ANO4: variants seen among roughly 807,000 people sequenced by gnomAD.
The protein encoded by ANO4 is anoctamin-4.
In ANO4, 69 loss-of-function variants were observed where a neutral mutation model predicts 141.9. The observed-to-expected ratio is 0.49, with a 90% CI of 0.40 to 0.59. The LOEUF is 0.59. Ranked by LOEUF, ANO4 falls within the 20% of genes least tolerant of loss-of-function variation. ANO4 has a pLI of 0.00. For synonymous variants in ANO4, 350 were observed against 394.3 expected (o/e 0.89, Z 1.33); for missense variants, 894 against 1,162.2 (o/e 0.77, Z 3.36).
Position 101,068,293 on chromosome 12 carries a change from G to T in ANO4, c.1313-10900G>T. The T allele has an allele frequency of 3.5e-6, 5 of 1,413,766 alleles. No homozygotes were observed. In the South Asian group the frequency reaches 6.1e-5, roughly 17 times the overall value. 87.6% of individuals were successfully genotyped at this position (1,413,766 alleles called of 1,614,324 possible). On this transcript the variant is annotated intron_variant, in intron 14 of 27. Transcript: ENST00000392977. Reference sequence around the variant, plus strand: ...AGTTCCTGCCTCTGCTGCAGATTCCGCCTGCTCCTACGAAGGCTGACTTCA... The same window carrying T: ...AGTTCCTGCCTCTGCTGCAGATTCCTCCTGCTCCTACGAAGGCTGACTTCA...
At chr12:100,991,159 T>C (rs532533125) in intron 8 of ANO4, among the ~76,000 whole-genome samples, 2 of 152,298 alleles carry the variant, frequency 1.3e-5, no homozygotes, top group East Asian at 3.9e-4. Flanking sequence ...AGGATTTATT[T>C]CTCTTTGAAA....
At chr12:100,719,654 G>A (rs1379872398) in intron 1 of ANO4, among the ~76,000 whole-genome samples, 2 of 152,170 alleles carry the variant, frequency 1.3e-5, no homozygotes, top group Admixed American at 6.5e-5. Flanking sequence ...GCTGCCAAGA[G>A]AATGAACAGT....
At chr12:100,890,003 C>T (rs2135986206) in intron 1 of ANO4, among the ~76,000 whole-genome samples, 1 of 152,032 alleles carries the variant, frequency 6.6e-6, no homozygotes, top group East Asian at 1.9e-4. Flanking sequence ...TTAACTATTG[C>T]CCTATTAACA....
intron 3 of ANO4, 26 bp downstream of exon 3, chr12:100,922,356 C>T (rs971413663): frequency 2.0e-5 from 29 of 1,471,606 alleles, no homozygotes; most frequent in East Asian, 1.0e-4. Context: ...ATTTTAAATT[C>T]GCCGTGAGAG....
chr12:100,930,084 C>T (rs552383144), intron 3 of ANO4, among the ~76,000 whole-genome samples: 2 of 152,008 alleles, frequency 1.3e-5, no homozygotes, highest in East Asian at 1.9e-4. Context: ...GTTATTAATC[C>T]CTTCTCAGAT....
intron 2 of ANO4, among the ~76,000 whole-genome samples, chr12:100,910,038 C>T (rs926337603): frequency 4.6e-5 from 7 of 152,016 alleles, no homozygotes. Context: ...CTAAATATTG[C>T]ATACGACACA....
chr12:100,812,591 T>A (rs952509649), intron 1 of ANO4, among the ~76,000 whole-genome samples: 3 of 152,114 alleles, frequency 2.0e-5, no homozygotes, highest in Non-Finnish European at 4.4e-5. Flanking sequence ...TACAATTAAA[T>A]TGCATGTCAG....
intron 1 of ANO4, among the ~76,000 whole-genome samples, chr12:100,865,274 C>T (rs1054828589): frequency 5.9e-5 from 9 of 152,002 alleles, no homozygotes; most frequent in East Asian, 1.9e-4. Flanking sequence ...TATATTTCTC[C>T]GAAAAGCAAT....
chr12:100,791,002 A>G (rs529248708), upstream of ANO4, among the ~76,000 whole-genome samples: 1 of 152,336 alleles, frequency 6.6e-6, no homozygotes, highest in Non-Finnish European at 1.5e-5. Flanking sequence ...TTTAATGTGT[A>G]TGTCAGTCCC....
intron 1 of ANO4, among the ~76,000 whole-genome samples, chr12:100,848,087 A>G (rs2037667644): frequency 6.6e-6 from 1 of 152,240 alleles, no homozygotes; most frequent in African/African-American, 2.4e-5. Flanking sequence ...TCAAAGTAAG[A>G]AGAAATTTTT....
intron 3 of ANO4, among the ~76,000 whole-genome samples, chr12:100,766,120 A>T (rs1242628827): frequency 6.6e-6 from 1 of 152,072 alleles, no homozygotes; most frequent in Non-Finnish European, 1.5e-5. Context: ...ATCATGCAGT[A>T]TTTGCCTTTC....
intron 3 of ANO4, among the ~76,000 whole-genome samples, chr12:100,776,588 T>C (rs2135566572): frequency 6.6e-6 from 1 of 152,324 alleles, no homozygotes; most frequent in South Asian, 2.1e-4. Context: ...GAGTAACTTT[T>C]AATGTGAAGG....
At chr12:100,824,764 A>G (rs1198191821) in intron 1 of ANO4, among the ~76,000 whole-genome samples, 1 of 152,084 alleles carries the variant, frequency 6.6e-6, no homozygotes, top group Non-Finnish European at 1.5e-5. Context: ...ATGGCTTCAC[A>G]GACCGGAAAA....
chr12:100,938,906 G>A (rs968833626), intron 3 of ANO4, among the ~76,000 whole-genome samples: 1 of 152,176 alleles, frequency 6.6e-6, no homozygotes, highest in Non-Finnish European at 1.5e-5. Flanking sequence ...CACTTGGCAA[G>A]CTATACGACA....
intron 9 of ANO4, among the ~76,000 whole-genome samples, chr12:101,025,852 G>A (rs1310285577): frequency 6.6e-6 from 1 of 152,106 alleles, no homozygotes; most frequent in African/African-American, 2.4e-5. Flanking sequence ...ATGAACATGG[G>A]AAAAGCATTT....
chr12:100,773,216 G>GTTA (rs1416844248), intron 3 of ANO4, among the ~76,000 whole-genome samples: 2 of 152,288 alleles, frequency 1.3e-5, no homozygotes, highest in African/African-American at 4.8e-5. Flanking sequence ...GGGCCTCTTT[G>GTTA]ATAAAGGCAC....
At chr12:101,105,464 C>G (rs550290248) in intron 22 of ANO4, among the ~76,000 whole-genome samples, 2 of 152,300 alleles carry the variant, frequency 1.3e-5, no homozygotes, top group Middle Eastern at 6.8e-3. Flanking sequence ...CTATTCTTAG[C>G]TCACAGATGG....
At chr12:100,909,867 T>G (rs997022705) in intron 2 of ANO4, among the ~76,000 whole-genome samples, 1 of 152,164 alleles carries the variant, frequency 6.6e-6, no homozygotes, top group African/African-American at 2.4e-5. Flanking sequence ...AATGAGGAAA[T>G]TAATACCTAC....
At chr12:100,734,334 C>T (rs1322793029) in intron 2 of ANO4, among the ~76,000 whole-genome samples, 3 of 152,200 alleles carry the variant, frequency 2.0e-5, no homozygotes, top group Non-Finnish European at 1.5e-5. Flanking sequence ...GTTATGCTCA[C>T]TCAACCTTAA....
Sources: gnomAD v4.1 joint callset for allele counts (sites outside exome capture counted in the v4.1 genomes callset) on GRCh38, gnomAD v4.1.1 for gene constraint, MANE v1.5 for transcripts, NCBI Gene and HGNC (gene_info 2026-07-23, HGNC 2026-07-21) for gene names.